Variants in SRPK2 observed in about 807,000 individuals in gnomAD.
SRPK2 encodes SFRS protein kinase 2.
Under a neutral mutation model 90.8 loss-of-function variants are expected in SRPK2, and 21 were observed. The ratio of observed to expected loss-of-function variants is 0.23; its 90% confidence interval spans 0.16 to 0.33. The LOEUF is 0.33. Among genes scored for constraint, SRPK2 ranks in the 10% least tolerant of loss-of-function variants. The probability of loss-of-function intolerance (pLI) is 1.00; values close to 1 mark genes in which losing one functional copy is unlikely to be tolerated. For synonymous variants in SRPK2, 288 were observed against 311.1 expected, an observed-to-expected ratio of 0.93 and a Z score of 0.78; for missense variants, 620 against 869.0, an observed-to-expected ratio of 0.71 and a Z score of 3.60.
chr7:105,396,296 G>A (rs1475570747), intron 1 of SRPK2, among the ~76,000 whole-genome samples: 1 of 151,922 alleles, frequency 6.6e-6, no homozygotes, highest in South Asian at 2.1e-4. Context: ...TTTGACTCCA[G>A]TAGTTGAGTC....
chr7:105,171,593 G>A (rs1266452762), intron 3 of SRPK2, among the ~76,000 whole-genome samples: 1 of 152,128 alleles, frequency 6.6e-6, no homozygotes, highest in Admixed American at 6.5e-5. Flanking sequence ...TATTCCCAGA[G>A]GGCTCTCAAT....
intron 2 of SRPK2, among the ~76,000 whole-genome samples, chr7:105,259,892 G>A (rs556520980): frequency 6.8e-4 from 103 of 152,230 alleles, no homozygotes; most frequent in Non-Finnish European, 7.6e-4. Context: ...AACTCAAGAT[G>A]GATGAAAGAC....
intron 2 of SRPK2, among the ~76,000 whole-genome samples, chr7:105,259,662 A>C (rs1047453473): frequency 2.0e-5 from 3 of 152,240 alleles, no homozygotes; most frequent in African/African-American, 7.2e-5. Context: ...TAACCAAAAC[A>C]GCATGGTACT....
chr7:105,151,854 T>A (rs544447689), intron 7 of SRPK2, among the ~76,000 whole-genome samples: 1 of 151,980 alleles, frequency 6.6e-6, no homozygotes, highest in East Asian at 2.0e-4. Flanking sequence ...TGAAACCCCC[T>A]CTCTACTAAA....
At chr7:105,181,844 T>G (rs1299220550) in intron 3 of SRPK2, among the ~76,000 whole-genome samples, 2 of 143,406 alleles carry the variant, frequency 1.4e-5, no homozygotes, top group East Asian at 2.0e-4. Context: ...ACATAACACA[T>G]GTGCACATAC....
chr7:105,124,054 G>A (rs1373620682), intron 15 of SRPK2, among the ~76,000 whole-genome samples: 1 of 152,220 alleles, frequency 6.6e-6, no homozygotes, highest in East Asian at 1.9e-4. Flanking sequence ...ACATCCACAA[G>A]CTGTCTCAGG....
chr7:105,303,597 A>C (rs1810824366), intron 2 of SRPK2, among the ~76,000 whole-genome samples: 1 of 152,132 alleles, frequency 6.6e-6, no homozygotes, highest in Non-Finnish European at 1.5e-5. Flanking sequence ...TCATATTACT[A>C]AAAGAAAATT....
At chr7:105,374,730 G>A (rs1158988412) in intron 2 of SRPK2, among the ~76,000 whole-genome samples, 1 of 151,998 alleles carries the variant, frequency 6.6e-6, no homozygotes, top group Non-Finnish European at 1.5e-5. Flanking sequence ...CTCGCCTACG[G>A]AGGAGCTGGG....
chr7:105,234,470 T>C (rs1799888061), intron 2 of SRPK2, among the ~76,000 whole-genome samples: 1 of 152,172 alleles, frequency 6.6e-6, no homozygotes, highest in Non-Finnish European at 1.5e-5. Flanking sequence ...GAAGACAAAA[T>C]TTAATAATAG....
At chr7:105,122,615 ATAT>A (rs772212292) in intron 15 of SRPK2, among the ~76,000 whole-genome samples, 2 of 152,206 alleles carry the variant, frequency 1.3e-5, no homozygotes, top group Non-Finnish European at 2.9e-5. Context: ...CAGACACTAA[ATAT>A]TAAAAATACA....
chr7:105,282,067 C>T (rs1285251291), intron 2 of SRPK2, among the ~76,000 whole-genome samples: 3 of 152,108 alleles, frequency 2.0e-5, no homozygotes, highest in Non-Finnish European at 2.9e-5. Flanking sequence ...GGCTTCAAAA[C>T]TGACTACACA....
At chr7:105,301,374 C>T (rs1388216627) in intron 2 of SRPK2, 6 of 601,200 alleles carry the variant, frequency 1.0e-5, no homozygotes, top group Non-Finnish European at 8.9e-6. Context: ...GGGGCACGCA[C>T]GATTGGCACC....
At chr7:105,129,733 G>C (rs540774878) in intron 13 of SRPK2, among the ~76,000 whole-genome samples, 2 of 152,076 alleles carry the variant, frequency 1.3e-5, no homozygotes, top group East Asian at 3.9e-4. Flanking sequence ...TTCTCTACTT[G>C]GCTCAATCCC....
downstream of SRPK2, among the ~76,000 whole-genome samples, chr7:105,114,858 T>C (rs1799539497): frequency 1.3e-5 from 2 of 152,218 alleles, no homozygotes; most frequent in South Asian, 2.1e-4. Context: ...GAAGAACATA[T>C]AGGCCAAGTT....
chr7:105,322,879 G>A (rs1813101256), intron 2 of SRPK2, among the ~76,000 whole-genome samples: 1 of 152,100 alleles, frequency 6.6e-6, no homozygotes, highest in South Asian at 2.1e-4. Context: ...TCACAGCCTG[G>A]GTGCAGCTGG....
intron 2 of SRPK2, among the ~76,000 whole-genome samples, chr7:105,292,933 G>C (rs1160553432): frequency 6.6e-6 from 1 of 152,120 alleles, no homozygotes; most frequent in African/African-American, 2.4e-5. Flanking sequence ...GCATCTCCTT[G>C]ATTCTTTCCC....
At chr7:105,252,726 T>A (rs1178071143) in intron 2 of SRPK2, among the ~76,000 whole-genome samples, 1 of 143,220 alleles carries the variant, frequency 7.0e-6, no homozygotes, top group Admixed American at 7.3e-5. Flanking sequence ...CCAATTATCA[T>A]CTTTCTTTTC....
At position 105,139,316 on chromosome 7, in the gene SRPK2, G is replaced by A. The variant is rs544653971; in HGVS notation, c.1543+2692C>T. Reference sequence around the variant, plus strand: ...GGAACCTCCATAATAGGAGAGGCAAGCAATGACACTGCCCACTTTAGGGAC... The same window carrying A: ...GGAACCTCCATAATAGGAGAGGCAAACAATGACACTGCCCACTTTAGGGAC... On this transcript the variant is annotated intron_variant, in intron 11 of 15. Transcript: ENST00000393651. Among the ~76,000 whole-genome samples the A allele has an allele frequency of 1.2e-4, 18 of 152,306 alleles. No individual in the cohort carries two copies. In the South Asian group the frequency reaches 3.7e-3, roughly 32 times the overall value.
chr7:105,322,038 A>C (rs896573158), intron 2 of SRPK2, among the ~76,000 whole-genome samples: 3 of 152,240 alleles, frequency 2.0e-5, no homozygotes, highest in African/African-American at 7.2e-5. Flanking sequence ...AAGTGAAAAC[A>C]ACCCAAATGT....
Sources: allele counts gnomAD v4.1 joint callset (sites outside exome capture counted in the v4.1 genomes callset), GRCh38; gene constraint gnomAD v4.1.1; transcripts MANE v1.5; gene names NCBI Gene and HGNC (gene_info 2026-07-23, HGNC 2026-07-21).